The following CDH17 variants were observed in gnomAD, a reference collection of about 807,000 sequenced individuals.
CDH17 encodes cadherin 17.
Under a neutral mutation model 86.3 loss-of-function variants are expected in CDH17, and 67 were observed. That is an observed-to-expected ratio of 0.78 (90% CI 0.64 to 0.95). The LOEUF is 0.95. Among genes scored for constraint, CDH17 ranks in the 40% least tolerant of loss-of-function variants. The probability of loss-of-function intolerance (pLI) is 0.00; values close to 1 mark genes in which losing one functional copy is unlikely to be tolerated. For synonymous variants in CDH17, 367 were observed against 366.4 expected (o/e 1.00, Z -0.02); for missense variants, 993 against 1,017.6 (o/e 0.98, Z 0.33).
chr8:94,174,676 C>A (rs1813338229), intron 5 of CDH17, among the ~76,000 whole-genome samples: 1 of 152,180 alleles, frequency 6.6e-6, no homozygotes, highest in Non-Finnish European at 1.5e-5. Context: ...TCTGAAAATA[C>A]TATTAAAATA....
rs749603086 is a variant in CDH17 at position 94,170,409 on chromosome 8, T to G, written c.1054A>C (p.Asn352His). 18 of 1,613,548 alleles carry G rather than the reference T, an allele frequency of 1.1e-5. No homozygotes were observed. The highest frequency in any genetic ancestry group is 3.3e-5 in the Admixed American group (2 of 59,978). Reference protein sequence around the residue: ...SPVTVFEVQENERLGNSIGTL... With the variant: ...SPVTVFEVQEHERLGNSIGTL... ...TCTCATTTCTTACCCAGTCGTTCAT[T>G]CTCCTGGACCTCAAATACGGTTACT... Residue 352 changes from asparagine to histidine, a missense_variant, in exon 9 of 18, where the codon AAT becomes CAT. Physicochemically the swap from Asn to His is moderately conservative, Grantham distance 68. Coordinates refer to ENST00000027335, the MANE Select transcript of CDH17 (RefSeq NM_004063.4).
At chr8:94,204,928 G>C (rs1295242031) in intron 1 of CDH17, among the ~76,000 whole-genome samples, 1 of 152,114 alleles carries the variant, frequency 6.6e-6, no homozygotes, top group Admixed American at 6.5e-5. Context: ...TCCCACCAGG[G>C]CACTTGCCTG....
chr8:94,212,533 A>G (rs185103305), upstream of CDH17, among the ~76,000 whole-genome samples: 1 of 151,734 alleles, frequency 6.6e-6, no homozygotes, highest in East Asian at 1.9e-4. Flanking sequence ...AAACCAGAAC[A>G]CTTGAGAGAA....
intron 15 of CDH17, among the ~76,000 whole-genome samples, chr8:94,140,169 C>T (rs751181577): frequency 4.6e-5 from 7 of 152,130 alleles, no homozygotes; most frequent in Non-Finnish European, 1.0e-4. Flanking sequence ...CACCTGTAAT[C>T]CCAGCATTTT....
At chr8:94,159,764 C>G (rs1813014845) in intron 12 of CDH17, among the ~76,000 whole-genome samples, 1 of 152,090 alleles carries the variant, frequency 6.6e-6, no homozygotes, top group African/African-American at 2.4e-5. Context: ...ACTTGGCTAG[C>G]TAGCAACAGA....
At position 94,160,096 on chromosome 8, in the gene CDH17, C is replaced by T. The variant is rs1184266260; in HGVS notation, c.1426G>A (p.Asp476Asn). The change falls in exon 12 of 18, where the codon GAT becomes AAT. Residue 476 changes from aspartate (D) to asparagine (N), a missense_variant. Coordinates refer to ENST00000027335, the MANE Select transcript of CDH17 (RefSeq NM_004063.4). ...CTCCCAGTAAATGGCTCATCAGCAT[C>T]AGTGGCCTGGATGGTTAAGATGGTG... ...GSTILTIQATDADEPFTGSSK... is the reference protein window; with the variant it reads ...GSTILTIQATNADEPFTGSSK... 1 of 1,613,912 alleles carries T rather than the reference C, an allele frequency of 6.2e-7. No individual in the cohort carries two copies.
At chr8:94,182,075 GA>G (rs2130652930) in intron 3 of CDH17, among the ~76,000 whole-genome samples, 1 of 152,164 alleles carries the variant, frequency 6.6e-6, no homozygotes, top group African/African-American at 2.4e-5. Context: ...TACTAAAACT[GA>G]TTCAAGAACA....
chr8:94,168,730 C>CT (rs773105434), intron 9 of CDH17, among the ~76,000 whole-genome samples: 2 of 152,152 alleles, frequency 1.3e-5, no homozygotes, highest in Admixed American at 6.5e-5. Flanking sequence ...AAAACCAGCA[C>CT]TATCCTCTTC....
intron 1 of CDH17, among the ~76,000 whole-genome samples, chr8:94,204,664 T>C (rs1813990122): frequency 6.6e-6 from 1 of 152,212 alleles, no homozygotes. Flanking sequence ...ATATACCCAG[T>C]AATGGGATTA....
intron 3 of CDH17, among the ~76,000 whole-genome samples, chr8:94,180,468 A>C (rs971439010): frequency 1.3e-5 from 2 of 152,216 alleles, no homozygotes; most frequent in Non-Finnish European, 2.9e-5. Flanking sequence ...AGAAATCCAA[A>C]TTTAGTCACA....
chr8:94,205,071 A>T (rs974643049), intron 1 of CDH17, among the ~76,000 whole-genome samples: 1 of 152,234 alleles, frequency 6.6e-6, no homozygotes, highest in Non-Finnish European at 1.5e-5. Context: ...CACTAGGCAT[A>T]AATGGGTTTT....
chr8:94,146,162 AC>A lies in CDH17; in HGVS notation c.1932del (p.Ser645LeufsTer3). ...RVQVVATEVG[G>X]SSLSSVSEFH... ...AACTCTGACACAGAGCTCAAGGAAG[AC>A]CCCCCTAAGGAATTGAATGATTGAA... On this transcript the variant is annotated frameshift_variant, in exon 15 of 18. Coordinates refer to ENST00000027335, the MANE Select transcript of CDH17 (RefSeq NM_004063.4). LOFTEE classifies it high-confidence loss of function. 6.5e-7 allele frequency: 1 copy of A among 1,534,284 alleles called. No homozygotes were observed. The highest frequency in any genetic ancestry group is 2.3e-5 in the East Asian group (1 of 42,782).
chr8:94,188,100 C>G (rs892401376), intron 3 of CDH17, among the ~76,000 whole-genome samples: 1 of 152,100 alleles, frequency 6.6e-6, no homozygotes, highest in Non-Finnish European at 1.5e-5. Context: ...GGGGCTCATT[C>G]CTGGACCCAC....
chr8:94,154,627 C>G (rs1481039643), intron 12 of CDH17, among the ~76,000 whole-genome samples: 1 of 152,078 alleles, frequency 6.6e-6, no homozygotes, highest in Non-Finnish European at 1.5e-5. Flanking sequence ...GAGTACTCCC[C>G]CTCTTCAGGA....
intron 12 of CDH17, among the ~76,000 whole-genome samples, chr8:94,152,753 G>A (rs1316057081): frequency 1.3e-5 from 2 of 151,184 alleles, no homozygotes; most frequent in Non-Finnish European, 2.9e-5. Context: ...TAAGAACATG[G>A]CACCAGCATC....
chr8:94,199,252 C>A (rs1314755337), intron 1 of CDH17, among the ~76,000 whole-genome samples: 2 of 151,698 alleles, frequency 1.3e-5, no homozygotes, highest in African/African-American at 4.8e-5. Flanking sequence ...GATTACCTAA[C>A]ATGGATATCT....
intron 11 of CDH17, among the ~76,000 whole-genome samples, chr8:94,161,650 C>CTT (rs2130620112): frequency 6.7e-6 from 1 of 149,000 alleles, no homozygotes; most frequent in Non-Finnish European, 1.5e-5. Context: ...TTTCTTCTCC[C>CTT]TTTCTCTTAC....
upstream of CDH17, among the ~76,000 whole-genome samples, chr8:94,210,992 G>A (rs1482603275): frequency 7.1e-6 from 1 of 141,780 alleles, no homozygotes; most frequent in Non-Finnish European, 1.5e-5. Context: ...CTGCACTCCA[G>A]CCTAGCCGAC....
chr8:94,183,928 A>C (rs1303695217), intron 3 of CDH17, among the ~76,000 whole-genome samples: 1 of 152,136 alleles, frequency 6.6e-6, no homozygotes, highest in Non-Finnish European at 1.5e-5. Flanking sequence ...TCCCAAGAAG[A>C]TATATAAATA....
Sources: gnomAD v4.1 joint callset for allele counts (sites outside exome capture counted in the v4.1 genomes callset) on GRCh38, gnomAD v4.1.1 for gene constraint, MANE v1.5 for transcripts, NCBI Gene and HGNC (gene_info 2026-07-23, HGNC 2026-07-21) for gene names.